Variants in MEIKIN observed in about 807,000 individuals in gnomAD.
The protein encoded by MEIKIN is meiotic kinetochore factor.
intron 10 of MEIKIN, among the ~76,000 whole-genome samples, chr5:131,853,002 CTG>C (rs2149615801): frequency 6.6e-6 from 1 of 152,218 alleles, no homozygotes; most frequent in Admixed American, 6.5e-5. Context: ...ACTGGAAAGA[CTG>C]TGAGCAGAGG....
chr5:131,944,367 GA>G, intron 3 of MEIKIN: 2 of 223,536 alleles, frequency 8.9e-6, no homozygotes, highest in East Asian at 9.3e-5. Flanking sequence ...TGGAAAACAT[GA>G]AAAAAGGAGT....
At chr5:131,863,557 CTTTTTTTT>C (rs59435888) in intron 9 of MEIKIN, among the ~76,000 whole-genome samples, 3 of 68,436 alleles carry the variant, frequency 4.4e-5, no homozygotes, top group African/African-American at 1.6e-4. Context: ...CTTCTTTGTC[CTTTTTTTT>C]TTTTTTTTTT....
In MEIKIN at chr5:131,875,500, C is replaced by T. The variant is rs1383871254; in HGVS notation, c.774+3478G>A. 2.6e-5 allele frequency among the ~76,000 whole-genome samples: 4 copies of T among 151,884 alleles called. No homozygotes were observed. The East Asian group carries it at 7.7e-4, about 29-fold the overall frequency. ...CTGCTCAATGAAATAAAAGAGGATA[C>T]AAACAAATGGAAGAACATTCCATGC... is the stretch of plus-strand genomic sequence containing the variant. On this transcript the variant is annotated intron_variant, in intron 9 of 12. Transcript: ENST00000442687.
At position 131,945,614 on chromosome 5, in the gene MEIKIN, C is replaced by T. The variant is rs1751952532; in HGVS notation, c.-109G>A. The T allele has an allele frequency of 7.5e-6, 3 of 398,078 alleles. No homozygotes were observed. Among genetic ancestry groups the T allele is most frequent in the Non-Finnish European group, 1.3e-5 (3 of 225,236 alleles). 24.7% of individuals were successfully genotyped at this position (398,078 alleles called of 1,614,324 possible). On this transcript the variant is annotated 5_prime_UTR_variant, in exon 1 of 13. Coordinates refer to ENST00000442687, the MANE Select transcript of MEIKIN (RefSeq NM_001303622.2). Reference sequence around the variant, plus strand: ...GGAGTCAGCGTCCAGGCGAGGCCCGCGGAGCAGCCTCACAGCAACTAATCG... The same window carrying T: ...GGAGTCAGCGTCCAGGCGAGGCCCGTGGAGCAGCCTCACAGCAACTAATCG...
chr5:131,891,938 T>C (rs1157837596), intron 8 of MEIKIN, among the ~76,000 whole-genome samples: 1 of 152,188 alleles, frequency 6.6e-6, no homozygotes, highest in African/African-American at 2.4e-5. Context: ...CAGCATTTGC[T>C]TGTCTGTAAA....
At chr5:131,853,515 T>C (rs1246459782) in intron 10 of MEIKIN, among the ~76,000 whole-genome samples, 1 of 152,138 alleles carries the variant, frequency 6.6e-6, no homozygotes, top group Non-Finnish European at 1.5e-5. Context: ...AATTTTACTA[T>C]GACAAAATAA....
intron 8 of MEIKIN, among the ~76,000 whole-genome samples, chr5:131,906,955 G>GT (rs1751252994): frequency 6.6e-6 from 1 of 151,998 alleles, no homozygotes; most frequent in African/African-American, 2.4e-5. Context: ...CCAAACTACT[G>GT]TAACAGACAC....
intron 9 of MEIKIN, among the ~76,000 whole-genome samples, chr5:131,873,043 C>A (rs1300322725): frequency 1.3e-5 from 2 of 152,230 alleles, no homozygotes; most frequent in Non-Finnish European, 2.9e-5. Flanking sequence ...ACTGCAAAAA[C>A]ATGCCAAATT....
In MEIKIN at chr5:131,921,934, C is replaced by A. The variant is rs1468310651; in HGVS notation, c.486G>T (p.Glu162Asp). 1.0e-5 allele frequency: 4 copies of A among 398,790 alleles called. No individual in the cohort carries two copies. Among genetic ancestry groups the A allele is most frequent in the East Asian group, 7.1e-5 (2 of 28,080 alleles). 24.7% of individuals were successfully genotyped at this position (398,790 alleles called of 1,614,324 possible). Residue 162 changes from glutamate (E) to aspartate (D), a missense_variant, in exon 6 of 13, where the codon GAG becomes GAT. By Grantham distance (45) the Glu-to-Asp change is conservative (BLOSUM62 2). Coordinates refer to ENST00000442687, the MANE Select transcript of MEIKIN (RefSeq NM_001303622.2). ...LFRKSDYLDW[E>D]CPNLEEHMQW... ...GCATGTGTTCTTCCAAGTTGGGACA[C>A]TCCCAGTCTAAAACAGCAGAGAAGA...
intron 12 of MEIKIN, among the ~76,000 whole-genome samples, chr5:131,817,572 C>T (rs951668463): frequency 6.6e-5 from 10 of 150,484 alleles, no homozygotes; most frequent in East Asian, 2.0e-4. Context: ...ACTGAGATTG[C>T]GCCACTGCAC....
chr5:131,857,453 C>T (rs977207831), intron 9 of MEIKIN, among the ~76,000 whole-genome samples: 1 of 152,174 alleles, frequency 6.6e-6, no homozygotes, highest in Non-Finnish European at 1.5e-5. Context: ...AGGACCTGGA[C>T]AGAGTAGGGC....
chr5:131,854,682 G>A (rs1750166274), intron 10 of MEIKIN, 72 bp downstream of exon 10: 1 of 395,872 alleles, frequency 2.5e-6, no homozygotes, highest in Admixed American at 4.4e-5. Flanking sequence ...TCCCTGATAT[G>A]AGAAAAATAG....
At chr5:131,819,320 G>A (rs1319942265) in intron 11 of MEIKIN, among the ~76,000 whole-genome samples, 1 of 151,386 alleles carries the variant, frequency 6.6e-6, no homozygotes, top group African/African-American at 2.4e-5. Flanking sequence ...AAAAAATACC[G>A]GCTGGGCACG....
At chr5:131,822,436 G>C (rs1418019718) in intron 11 of MEIKIN, among the ~76,000 whole-genome samples, 1 of 151,226 alleles carries the variant, frequency 6.6e-6, no homozygotes, top group Non-Finnish European at 1.5e-5. Context: ...TCAATTTCTT[G>C]CTTTTTATTT....
At chr5:131,893,175 C>T (rs182895769) in intron 8 of MEIKIN, among the ~76,000 whole-genome samples, 87 of 152,140 alleles carry the variant, frequency 5.7e-4, no homozygotes, top group African/African-American at 2.0e-3. Flanking sequence ...TTTGTCTGTG[C>T]CCTGTCCCCA....
chr5:131,940,794 G>C (rs1026305763), intron 4 of MEIKIN, among the ~76,000 whole-genome samples: 14 of 152,150 alleles, frequency 9.2e-5, no homozygotes, highest in African/African-American at 3.4e-4. Context: ...GAAGTCTGCT[G>C]TATCAGAAGT....
intron 11 of MEIKIN, among the ~76,000 whole-genome samples, chr5:131,829,305 C>A (rs562130157): frequency 6.6e-6 from 1 of 152,180 alleles, no homozygotes; most frequent in Admixed American, 6.5e-5. Flanking sequence ...CAAACAATTT[C>A]TATAACACGT....
rs1279089010 is a variant in MEIKIN at position 131,810,822 on chromosome 5, T to C, written c.1100-3564A>G. ...ACCATTGTTTTTTATTTAATCAGCA[T>C]AGTGCCAGTTATTAATGAACAAAAA... is the stretch of plus-strand genomic sequence containing the variant. On this transcript the variant is annotated intron_variant, in intron 12 of 12. Transcript: ENST00000442687. 2.6e-5 allele frequency among the ~76,000 whole-genome samples: 4 copies of C among 152,350 alleles called. No individual in the cohort carries two copies. In the East Asian group the frequency reaches 5.8e-4, roughly 22 times the overall value.
At chr5:131,890,998 T>C (rs1358647333) in intron 8 of MEIKIN, among the ~76,000 whole-genome samples, 1 of 152,192 alleles carries the variant, frequency 6.6e-6, no homozygotes, top group Non-Finnish European at 1.5e-5. Context: ...CAGGAGCAGG[T>C]TGTTCAGTTT....
Sources: allele counts gnomAD v4.1 joint callset (sites outside exome capture counted in the v4.1 genomes callset), GRCh38; gene constraint gnomAD v4.1.1; transcripts MANE v1.5; gene names NCBI Gene and HGNC (gene_info 2026-07-23, HGNC 2026-07-21).